TSPAN5: variants seen among roughly 807,000 people sequenced by gnomAD.
TSPAN5 encodes tetraspanin-5.
TSPAN5 carries 10 observed loss-of-function variants against 37.1 expected under a neutral mutation model. That is an observed-to-expected ratio of 0.27 (90% CI 0.17 to 0.46). The LOEUF (loss-of-function observed/expected upper bound fraction) is 0.46, where lower values mean the gene tolerates loss of function less well. Among genes scored for constraint, TSPAN5 ranks in the 20% least tolerant of loss-of-function variants. TSPAN5 has a pLI of 1.00. For missense variants in TSPAN5, 195 were observed against 326.6 expected, an observed-to-expected ratio of 0.60 and a Z score of 3.11; for synonymous variants, 110 against 118.9, an observed-to-expected ratio of 0.93 and a Z score of 0.48.
intron 2 of TSPAN5, chr4:98,500,307 G>C (rs1290288586): frequency 6.6e-6 from 1 of 152,188 alleles, no homozygotes; most frequent in Non-Finnish European, 1.5e-5. Context: ...GGAAGAACTG[G>C]AGTGTTCTGC....
At chr4:98,624,128 G>C (rs920631801) in intron 1 of TSPAN5, among the ~76,000 whole-genome samples, 1 of 152,038 alleles carries the variant, frequency 6.6e-6, no homozygotes, top group Non-Finnish European at 1.5e-5. Context: ...ATTCAGGCCT[G>C]GTATTTGACA....
At chr4:98,623,642 T>C (rs1756530044) in intron 1 of TSPAN5, among the ~76,000 whole-genome samples, 1 of 152,198 alleles carries the variant, frequency 6.6e-6, no homozygotes, top group Non-Finnish European at 1.5e-5. Context: ...AACAAAGGAC[T>C]CTTGGGATTA....
chr4:98,475,463 G>C (rs1752670905), intron 7 of TSPAN5, among the ~76,000 whole-genome samples: 1 of 152,206 alleles, frequency 6.6e-6, no homozygotes, highest in Non-Finnish European at 1.5e-5. Flanking sequence ...AGTTTAGGGA[G>C]AGAAAGGGGT....
chr4:98,640,803 T>C (rs568093280), intron 1 of TSPAN5, among the ~76,000 whole-genome samples: 2 of 152,216 alleles, frequency 1.3e-5, no homozygotes, highest in East Asian at 3.9e-4. Flanking sequence ...TTTTCCCAGG[T>C]GACAGTGAAC....
At chr4:98,507,394 C>A (rs1753501683) in intron 2 of TSPAN5, among the ~76,000 whole-genome samples, 1 of 152,098 alleles carries the variant, frequency 6.6e-6, no homozygotes, top group Admixed American at 6.6e-5. Context: ...GAGAAAATAT[C>A]CCATAGGAAC....
chr4:98,653,894 G>A (rs1757244370), intron 1 of TSPAN5, among the ~76,000 whole-genome samples: 1 of 152,158 alleles, frequency 6.6e-6, no homozygotes, highest in Admixed American at 6.6e-5. Context: ...CCATCAAAAG[G>A]TGGCTTCTAA....
intron 1 of TSPAN5, among the ~76,000 whole-genome samples, chr4:98,634,697 C>G (rs537751633): frequency 6.6e-6 from 1 of 152,168 alleles, no homozygotes; most frequent in Middle Eastern, 3.2e-3. Context: ...CAGGAGGTAT[C>G]CATGAAACAC....
At chr4:98,528,943 T>C (rs147163583) in intron 1 of TSPAN5, among the ~76,000 whole-genome samples, 1 of 152,174 alleles carries the variant, frequency 6.6e-6, no homozygotes, top group African/African-American at 2.4e-5. Flanking sequence ...AGGGGAGAGG[T>C]ACTGTTATTA....
chr4:98,624,928 A>G (rs1756561763), intron 1 of TSPAN5, among the ~76,000 whole-genome samples: 1 of 152,248 alleles, frequency 6.6e-6, no homozygotes, highest in South Asian at 2.1e-4. Flanking sequence ...CTATACAGAG[A>G]GGCATTAATG....
At chr4:98,547,961 G>A (rs994471288) in intron 1 of TSPAN5, among the ~76,000 whole-genome samples, 8 of 145,598 alleles carry the variant, frequency 5.5e-5, no homozygotes, top group Non-Finnish European at 8.9e-5. Flanking sequence ...GCTGACAGCC[G>A]AGATCATGCC....
At chr4:98,548,886 GGTGTGTGTGTGTGTGTGT>G (rs142527701) in intron 1 of TSPAN5, among the ~76,000 whole-genome samples, 1 of 57,342 alleles carries the variant, frequency 1.7e-5, no homozygotes, top group African/African-American at 4.6e-5. Flanking sequence ...AGTATTCCAA[GGTGTGTGTGTGTGTGTGT>G]GTGTGTGTGT....
chr4:98,566,601 G>T (rs768632967), intron 1 of TSPAN5, among the ~76,000 whole-genome samples: 2 of 152,192 alleles, frequency 1.3e-5, no homozygotes, highest in Non-Finnish European at 2.9e-5. Context: ...GAGTGAAGTG[G>T]GTGACAAATT....
chr4:98,482,702 T>A (rs1752872556), intron 3 of TSPAN5: 1 of 152,320 alleles, frequency 6.6e-6, no homozygotes, highest in Admixed American at 6.5e-5. Context: ...ACAGATGTGT[T>A]CATCTTAGAT....
At chr4:98,498,836 G>A (rs959689754) in intron 2 of TSPAN5, among the ~76,000 whole-genome samples, 5 of 152,284 alleles carry the variant, frequency 3.3e-5, no homozygotes, top group South Asian at 2.1e-4. Flanking sequence ...GAGAAGGGCC[G>A]GCTGGCTGCT....
intron 1 of TSPAN5, among the ~76,000 whole-genome samples, chr4:98,568,857 C>G (rs1368911071): frequency 3.9e-5 from 6 of 152,172 alleles, no homozygotes; most frequent in Non-Finnish European, 5.9e-5. Context: ...AGGGCTTGGT[C>G]AGATTTGAAA....
At chr4:98,484,132 C>T in intron 3 of TSPAN5, 2 of 251,194 alleles carry the variant, frequency 8.0e-6, no homozygotes, top group Non-Finnish European at 1.6e-5. Flanking sequence ...ATTATACATA[C>T]CAAAAATTGA....
chr4:98,526,574 A>G (rs1753969126), intron 1 of TSPAN5, among the ~76,000 whole-genome samples: 1 of 152,196 alleles, frequency 6.6e-6, no homozygotes, highest in South Asian at 2.1e-4. Flanking sequence ...CATAGAGATA[A>G]GTTATGAATC....
Position 98,658,133 on chromosome 4 carries a change from C to A in TSPAN5, c.81+13G>T. ...GCCACAATAGTTGGAATCCCAGGAGCGCTCCAACTTACCCAAAATATGACA... is the reference window on the plus strand; with the variant it reads ...GCCACAATAGTTGGAATCCCAGGAGAGCTCCAACTTACCCAAAATATGACA... On this transcript the variant is annotated intron_variant, in intron 1 of 7. Coordinates refer to ENST00000305798, the MANE Select transcript of TSPAN5 (RefSeq NM_005723.4). 6.2e-7 allele frequency: 1 copy of A among 1,605,602 alleles called. No individual in the cohort carries two copies. Among genetic ancestry groups the A allele is most frequent in the Non-Finnish European group, 8.5e-7 (1 of 1,172,262 alleles).
chr4:98,537,534 A>C (rs1754262592), intron 1 of TSPAN5, among the ~76,000 whole-genome samples: 1 of 152,146 alleles, frequency 6.6e-6, no homozygotes, highest in Non-Finnish European at 1.5e-5. Flanking sequence ...TAAATATGCT[A>C]ATTTTCATAA....
Sources: gnomAD v4.1 joint callset for allele counts (sites outside exome capture counted in the v4.1 genomes callset) on GRCh38, gnomAD v4.1.1 for gene constraint, MANE v1.5 for transcripts, NCBI Gene and HGNC (gene_info 2026-07-23, HGNC 2026-07-21) for gene names.